Variants in POU2F1 observed in about 807,000 individuals in gnomAD.
POU2F1 encodes POU domain, class 2, transcription factor 1.
Under a neutral mutation model 84.9 loss-of-function variants are expected in POU2F1, and 16 were observed. That is an observed-to-expected ratio of 0.19 (90% CI 0.13 to 0.29). The LOEUF is 0.29. POU2F1 is among the 10% of genes least tolerant of loss of function. The pLI is 1.00. For missense variants in POU2F1, 738 were observed against 942.6 expected, an observed-to-expected ratio of 0.78 and a Z score of 2.84; for synonymous variants, 368 against 368.3, an observed-to-expected ratio of 1.00 and a Z score of 0.01.
chr1:167,374,254 C>A lies in POU2F1; in HGVS notation c.549C>A (p.Pro183=), dbSNP rs202204364. 4.7e-4 allele frequency: 752 copies of A among 1,613,404 alleles called. 8 individuals carry two copies. The Middle Eastern group carries it at 5.0e-3, about 11-fold the overall frequency. ...GATISASAAT[P]MTQIPLSQPI... ...CCATCTCCGCCTCTGCTGCCACGCC[C>A]ATGACGCAGATCCCCCTGTCTCAGC... The change falls in exon 6 of 16, where the codon CCC becomes CCA. Residue 183 remains proline (P), a synonymous_variant. Transcript: ENST00000367866.
intron 6 of POU2F1, among the ~76,000 whole-genome samples, 160 bp downstream of exon 6, chr1:167,374,456 A>G (rs1660199403): frequency 6.6e-6 from 1 of 152,230 alleles, no homozygotes. Flanking sequence ...CCACTGAATT[A>G]GAAATAATGT....
At chr1:167,319,695 A>T (rs563332052) in intron 1 of POU2F1, among the ~76,000 whole-genome samples, 1 of 151,604 alleles carries the variant, frequency 6.6e-6, no homozygotes, top group South Asian at 2.1e-4. Context: ...CAAGCAGAAG[A>T]CTCTCCTGAT....
chr1:167,375,965 C>G (rs1397373764), intron 6 of POU2F1, 64 bp from the exon 7 acceptor site: 1 of 1,575,162 alleles, frequency 6.3e-7, no homozygotes, highest in African/African-American at 1.3e-5. Context: ...CAGCTGGAAG[C>G]CTTATAATTA....
intron 10 of POU2F1, among the ~76,000 whole-genome samples, chr1:167,397,260 T>G (rs1158833139): frequency 6.6e-6 from 1 of 152,232 alleles, no homozygotes; most frequent in African/African-American, 2.4e-5. Flanking sequence ...CATTTGTTTC[T>G]TTTCTTTTTA....
chr1:167,415,451 G>A (rs1650237992), intron 15 of POU2F1, 49 bp from the exon 16 acceptor site: 2 of 1,564,604 alleles, frequency 1.3e-6, no homozygotes, highest in African/African-American at 1.4e-5. Flanking sequence ...TCTCCAGGAT[G>A]ATGTTAATGT....
chr1:167,398,853 C>T (rs911061572), intron 11 of POU2F1, among the ~76,000 whole-genome samples: 1 of 152,100 alleles, frequency 6.6e-6, no homozygotes, highest in Non-Finnish European at 1.5e-5. Flanking sequence ...CTGTGAGATC[C>T]AAATTAGATA....
At chr1:167,315,550 A>G (rs35800137) in intron 1 of POU2F1, among the ~76,000 whole-genome samples, 2,220 of 152,278 alleles carry the variant, frequency 0.015, 22 homozygotes, top group South Asian at 0.026. Context: ...CAGAAGTGGA[A>G]TGATGGCGCT....
At chr1:167,394,767 A>G (rs1027759507) in intron 9 of POU2F1, among the ~76,000 whole-genome samples, 5 of 152,216 alleles carry the variant, frequency 3.3e-5, no homozygotes, top group Admixed American at 6.5e-5. Context: ...TTACATTTCA[A>G]TATTTCTCAT....
At chr1:167,396,708 C>T (rs1648835225) in intron 10 of POU2F1, 1 of 296,696 alleles carries the variant, frequency 3.4e-6, no homozygotes, top group African/African-American at 2.2e-5. Context: ...CACACACACA[C>T]AGTTGAAGGA....
At chr1:167,362,168 A>C (rs1018050126) in intron 2 of POU2F1, among the ~76,000 whole-genome samples, 2 of 152,104 alleles carry the variant, frequency 1.3e-5, no homozygotes, top group Non-Finnish European at 2.9e-5. Context: ...AATGATTTCC[A>C]TGTAATAACT....
chr1:167,366,124 A>G (rs959083859), intron 3 of POU2F1, among the ~76,000 whole-genome samples: 1 of 152,200 alleles, frequency 6.6e-6, no homozygotes, highest in Non-Finnish European at 1.5e-5. Context: ...AATTCTGTTC[A>G]TTCATGCTTT....
chr1:167,337,095 G>A (rs745728790), intron 2 of POU2F1, among the ~76,000 whole-genome samples: 11 of 151,944 alleles, frequency 7.2e-5, no homozygotes, highest in Middle Eastern at 3.2e-3. Context: ...CTCAGGAGGT[G>A]GAGGTTGCAG....
chr1:167,422,794 A>T lies in POU2F1; in HGVS notation c.*6984A>T, dbSNP rs1461204692. The stretch of plus-strand genomic sequence containing the variant: ...TTGCTTATCCTTAAGTTTTCAAAAC[A>T]GGCAGAGGGAATAGGAGCAAAAAGC... On this transcript the variant is annotated 3_prime_UTR_variant, in exon 16 of 16. Transcript: ENST00000367866. The T allele has an allele frequency of 1.3e-5, 2 of 152,248 alleles. No homozygotes were observed. The highest frequency in any genetic ancestry group is 4.8e-5 in the African/African-American group (2 of 41,468). 9.4% of individuals were successfully genotyped at this position (152,248 alleles called of 1,614,324 possible).
intron 2 of POU2F1, among the ~76,000 whole-genome samples, chr1:167,347,568 A>G (rs528094384): frequency 1.2e-4 from 19 of 152,186 alleles, no homozygotes; most frequent in Non-Finnish European, 2.5e-4. Flanking sequence ...CTATTTTAAA[A>G]TGAACAATTC....
chr1:167,394,905 G>A (rs1462323126), intron 9 of POU2F1, among the ~76,000 whole-genome samples: 1 of 152,172 alleles, frequency 6.6e-6, no homozygotes, highest in Non-Finnish European at 1.5e-5. Context: ...AAAATGTAGT[G>A]TTCAAAAGAT....
At chr1:167,311,913 C>T (rs1471045608) in intron 1 of POU2F1, among the ~76,000 whole-genome samples, 1 of 150,944 alleles carries the variant, frequency 6.6e-6, no homozygotes, top group Non-Finnish European at 1.5e-5. Flanking sequence ...AGCAATTCCC[C>T]TGCACACCAA....
At chr1:167,405,494 A>G (rs1017545068) in intron 13 of POU2F1, among the ~76,000 whole-genome samples, 3 of 151,736 alleles carry the variant, frequency 2.0e-5, no homozygotes, top group African/African-American at 7.3e-5. Flanking sequence ...CCTGGGCAAC[A>G]TAGTAAGACC....
intron 1 of POU2F1, among the ~76,000 whole-genome samples, chr1:167,282,582 TCTC>T (rs1361222134): frequency 2.5e-4 from 38 of 152,178 alleles, no homozygotes; most frequent in Admixed American, 2.4e-3. Flanking sequence ...TCCAGCCTCT[TCTC>T]CTGTCACTTT....
chr1:167,333,862 C>T (rs541063061), intron 2 of POU2F1, among the ~76,000 whole-genome samples: 99 of 152,222 alleles, frequency 6.5e-4, no homozygotes, highest in Non-Finnish European at 1.0e-3. Flanking sequence ...ATGCCAGTGC[C>T]GGTGCTTCAG....
Sources: allele counts gnomAD v4.1 joint callset (sites outside exome capture counted in the v4.1 genomes callset), GRCh38; gene constraint gnomAD v4.1.1; transcripts MANE v1.5; gene names NCBI Gene and HGNC (gene_info 2026-07-23, HGNC 2026-07-21).